Variants in RICTOR observed in about 807,000 individuals in gnomAD.
The protein encoded by RICTOR is RPTOR independent companion of MTOR complex 2.
A neutral mutation model predicts 214.9 loss-of-function variants in RICTOR; 49 were observed. The ratio of observed to expected loss-of-function variants is 0.23; its 90% CI spans 0.18 to 0.29. RICTOR has a LOEUF of 0.29. Among genes scored for constraint, RICTOR ranks in the 10% least tolerant of loss-of-function variants. The probability of loss-of-function intolerance (pLI) is 1.00; values close to 1 mark genes in which losing one functional copy is unlikely to be tolerated. For missense variants in RICTOR, 1,625 were observed against 2,047.0 expected (o/e 0.79, Z 3.98); for synonymous variants, 717 against 711.3 (o/e 1.01, Z -0.13).
intron 19 of RICTOR, among the ~76,000 whole-genome samples, chr5:38,961,564 G>A (rs1749798383): frequency 6.6e-6 from 1 of 152,110 alleles, no homozygotes; most frequent in African/African-American, 2.4e-5. Flanking sequence ...CAATAGAGGT[G>A]TCCAATCCAG....
In RICTOR at chr5:39,070,905, G is replaced by T. The variant is rs1032449544; in HGVS notation, c.97+3206C>A. On this transcript the variant is annotated intron_variant, in intron 2 of 37. Transcript: ENST00000357387. ...TTTAATAATATCATTAGCAAATATTGGGGACTTTCACAAATTAAGTAGTTG... is the reference window on the plus strand; with the variant it reads ...TTTAATAATATCATTAGCAAATATTTGGGACTTTCACAAATTAAGTAGTTG... Among the ~76,000 whole-genome samples, 12 of 152,250 alleles carry T rather than the reference G, an allele frequency of 7.9e-5. No homozygotes were observed. The South Asian group carries it at 2.3e-3, about 29-fold the overall frequency.
chr5:38,958,835 T>C lies in RICTOR; in HGVS notation c.2179-4A>G, dbSNP rs763877362. 11 of 1,542,296 alleles carry C rather than the reference T, an allele frequency of 7.1e-6. No individual in the cohort carries two copies. The Admixed American group carries it at 2.4e-4, about 33-fold the overall frequency. On this transcript the variant is annotated splice_polypyrimidine_tract_variant and splice_region_variant and intron_variant, in intron 22 of 37. Transcript: ENST00000357387. ...TTGTTGCATAGAGTCTGCAGGCCTA[T>C]AAGGATAAATGAATACATTAAAAAA...
At chr5:38,999,027 CAA>C (rs1186312478) in intron 5 of RICTOR, among the ~76,000 whole-genome samples, 1,246 of 25,226 alleles carry the variant, frequency 0.049, 3 homozygotes, top group African/African-American at 0.093. Flanking sequence ...AACAAACAGG[CAA>C]AAAAAAAAAA....
intron 2 of RICTOR, among the ~76,000 whole-genome samples, chr5:39,058,024 T>C (rs1758308949): frequency 6.6e-6 from 1 of 152,064 alleles, no homozygotes; most frequent in Non-Finnish European, 1.5e-5. Flanking sequence ...TTTAAAAGTG[T>C]ATGCTAAAAC....
At chr5:38,960,995 T>C (rs1198719111) in intron 19 of RICTOR, among the ~76,000 whole-genome samples, 1 of 152,136 alleles carries the variant, frequency 6.6e-6, no homozygotes, top group East Asian at 1.9e-4. Flanking sequence ...TTAAACCTCT[T>C]TCCTTTATAG....
At chr5:38,944,263 A>C (rs574190505) in intron 36 of RICTOR, 183 bp downstream of exon 36, 17 of 674,986 alleles carry the variant, frequency 2.5e-5, no homozygotes, top group Non-Finnish European at 3.8e-5. Context: ...TCTACATTCA[A>C]TCTGTTGCCA....
chr5:39,034,677 C>G (rs186985697), intron 2 of RICTOR, among the ~76,000 whole-genome samples: 27 of 152,382 alleles, frequency 1.8e-4, no homozygotes, highest in Admixed American at 1.6e-3. Context: ...TATCCCACAC[C>G]TGGCTCAGCG....
At chr5:38,994,419 TAAA>T (rs869254811) in intron 6 of RICTOR, among the ~76,000 whole-genome samples, 2,875 of 57,000 alleles carry the variant, frequency 0.05, 59 homozygotes, top group Middle Eastern at 0.093. Context: ...AAGGTTTTAC[TAAA>T]AAAAAAAAAA....
chr5:39,001,367 T>C (rs1753603928), intron 5 of RICTOR, among the ~76,000 whole-genome samples: 1 of 152,128 alleles, frequency 6.6e-6, no homozygotes, highest in Non-Finnish European at 1.5e-5. Context: ...CTAATTTTAT[T>C]GGATATTCAT....
chr5:38,983,497 TAATA>T (rs1751897350), intron 7 of RICTOR, among the ~76,000 whole-genome samples: 1 of 152,170 alleles, frequency 6.6e-6, no homozygotes, highest in Non-Finnish European at 1.5e-5. Flanking sequence ...TAATGCTAAT[TAATA>T]GTTACAAGGA....
chr5:38,996,197 G>C (rs1753165262), intron 6 of RICTOR, among the ~76,000 whole-genome samples: 2 of 152,172 alleles, frequency 1.3e-5, no homozygotes, highest in African/African-American at 4.8e-5. Context: ...GTCTCACTCA[G>C]GCTGTGTCCC....
chr5:39,046,686 C>T (rs1198190853), intron 2 of RICTOR, among the ~76,000 whole-genome samples: 1 of 152,156 alleles, frequency 6.6e-6, no homozygotes, highest in African/African-American at 2.4e-5. Context: ...TACACTGTCT[C>T]AATCCTTTTC....
chr5:38,943,004 G>A (rs2112786342), intron 36 of RICTOR, 33 bp from the exon 37 acceptor site: 1 of 1,511,498 alleles, frequency 6.6e-7, no homozygotes, highest in Non-Finnish European at 9.2e-7. Flanking sequence ...GATGAAAACT[G>A]TAATCATGAT....
chr5:38,982,136 T>C (rs1169025611), intron 7 of RICTOR, 100 bp from the exon 8 acceptor site: 5 of 770,792 alleles, frequency 6.5e-6, no homozygotes, highest in Non-Finnish European at 8.5e-6. Flanking sequence ...CTTGAAAAAC[T>C]TTCTAATACC....
intron 2 of RICTOR, among the ~76,000 whole-genome samples, chr5:39,059,799 TAAG>T (rs2150202993): frequency 6.6e-6 from 1 of 152,196 alleles, no homozygotes; most frequent in African/African-American, 2.4e-5. Flanking sequence ...ACCATACAAA[TAAG>T]AATATGTAAT....
chr5:38,997,081 C>A (rs1346056287), intron 5 of RICTOR, among the ~76,000 whole-genome samples, 199 bp from the exon 6 acceptor site: 2 of 151,934 alleles, frequency 1.3e-5, no homozygotes, highest in Non-Finnish European at 2.9e-5. Context: ...ATTTAAAAGA[C>A]CAATTTTTTC....
chr5:38,977,630 C>A (rs574536861), intron 9 of RICTOR, among the ~76,000 whole-genome samples: 1 of 129,324 alleles, frequency 7.7e-6, no homozygotes, highest in Admixed American at 9.4e-5. Context: ...CAGAGTGTCG[C>A]TCTGTCACCC....
At chr5:38,983,689 C>T (rs1751912385) in intron 7 of RICTOR, among the ~76,000 whole-genome samples, 1 of 152,160 alleles carries the variant, frequency 6.6e-6, no homozygotes, top group South Asian at 2.1e-4. Flanking sequence ...TTTGGCCAGG[C>T]ACGGTGGCTC....
At chr5:38,952,717 G>A (rs1748900952) in intron 29 of RICTOR, among the ~76,000 whole-genome samples, 2 of 151,856 alleles carry the variant, frequency 1.3e-5, no homozygotes, top group South Asian at 2.1e-4. Context: ...GGAACAGCTG[G>A]GTTACAGGAA....
Sources: allele counts gnomAD v4.1 joint callset (sites outside exome capture counted in the v4.1 genomes callset), GRCh38; gene constraint gnomAD v4.1.1; transcripts MANE v1.5; gene names NCBI Gene and HGNC (gene_info 2026-07-23, HGNC 2026-07-21).